C10orf90: variants seen among roughly 807,000 people sequenced by gnomAD.
The protein encoded by C10orf90 is (E2-independent) E3 ubiquitin-conjugating enzyme FATS.
In C10orf90, 56 loss-of-function variants were observed where a neutral mutation model predicts 62.5. That is an observed-to-expected ratio of 0.90 (90% confidence interval 0.72 to 1.12). C10orf90 has a LOEUF of 1.12. C10orf90 is among the 50% of genes most tolerant of loss of function. The pLI is 0.00. For synonymous variants in C10orf90, 386 were observed against 340.4 expected (o/e 1.13, Z -1.47); for missense variants, 970 against 880.4 (o/e 1.10, Z -1.29).
intron 4 of C10orf90, among the ~76,000 whole-genome samples, chr10:126,490,006 A>T (rs1280021634): frequency 2.4e-5 from 2 of 84,564 alleles, no homozygotes; most frequent in African/African-American, 4.9e-5. Flanking sequence ...ATTATATATT[A>T]TATATATTAT....
chr10:126,590,056 C>A (rs1338676319), intron 2 of C10orf90, among the ~76,000 whole-genome samples: 1 of 152,042 alleles, frequency 6.6e-6, no homozygotes, highest in African/African-American at 2.4e-5. Flanking sequence ...TAGTTTCTGA[C>A]AAACCAGACT....
At chr10:126,524,428 G>T (rs562397578) in intron 2 of C10orf90, 41 of 161,676 alleles carry the variant, frequency 2.5e-4, no homozygotes, top group Non-Finnish European at 5.1e-4. Context: ...GAGCTGGGAG[G>T]CAGCCCAGGT....
At chr10:126,600,093 A>G (rs1274987901) in intron 2 of C10orf90, among the ~76,000 whole-genome samples, 2 of 151,240 alleles carry the variant, frequency 1.3e-5, no homozygotes, top group African/African-American at 4.9e-5. Flanking sequence ...GTGTGTGTGC[A>G]TGCTTGTGTG....
intron 2 of C10orf90, among the ~76,000 whole-genome samples, chr10:126,640,766 G>A (rs1391305545): frequency 2.0e-5 from 3 of 152,184 alleles, no homozygotes; most frequent in Non-Finnish European, 4.4e-5. Flanking sequence ...GAGCACTTGC[G>A]AGGCCATGGA....
intron 2 of C10orf90, among the ~76,000 whole-genome samples, chr10:126,624,201 C>A (rs1367071536): frequency 6.6e-6 from 1 of 152,082 alleles, no homozygotes; most frequent in African/African-American, 2.4e-5. Flanking sequence ...CAAAAATTAG[C>A]TGGGCATGGT....
chr10:126,648,148 C>T (rs1389130526), intron 1 of C10orf90, among the ~76,000 whole-genome samples: 4 of 151,034 alleles, frequency 2.6e-5, no homozygotes, highest in African/African-American at 9.7e-5. Context: ...CTCGCTTCTG[C>T]TCCTCTGCCA....
chr10:126,500,684 C>A (rs1204236751), intron 4 of C10orf90, among the ~76,000 whole-genome samples: 2 of 152,112 alleles, frequency 1.3e-5, no homozygotes, highest in East Asian at 3.9e-4. Flanking sequence ...AAAGAGAGAA[C>A]CAATTTCTTA....
intron 4 of C10orf90, among the ~76,000 whole-genome samples, chr10:126,495,222 G>A (rs1199708060): frequency 6.6e-6 from 1 of 152,202 alleles, no homozygotes; most frequent in East Asian, 1.9e-4. Context: ...GTTCACTGCA[G>A]CATTGGATGA....
intron 2 of C10orf90, among the ~76,000 whole-genome samples, chr10:126,598,506 A>C (rs1845130779): frequency 6.6e-6 from 1 of 152,110 alleles, no homozygotes; most frequent in Non-Finnish European, 1.5e-5. Flanking sequence ...CCTTCCAGCT[A>C]TGCCACCCCA....
At chr10:126,660,686 C>G (rs1846491342) in intron 1 of C10orf90, among the ~76,000 whole-genome samples, 1 of 152,202 alleles carries the variant, frequency 6.6e-6, no homozygotes, top group African/African-American at 2.4e-5. Context: ...TACAAATAAT[C>G]AATGGTGTTG....
chr10:126,564,218 C>T (rs1030726107), intron 2 of C10orf90, among the ~76,000 whole-genome samples: 2 of 152,040 alleles, frequency 1.3e-5, no homozygotes, highest in African/African-American at 4.8e-5. Context: ...CAGCAACTTT[C>T]CTCTCCACGC....
chr10:126,517,321 G>A (rs1863486042), intron 2 of C10orf90, among the ~76,000 whole-genome samples: 1 of 152,212 alleles, frequency 6.6e-6, no homozygotes, highest in Non-Finnish European at 1.5e-5. Context: ...TAAAAAAATA[G>A]TAAAGTTGTA....
At chr10:126,656,754 G>A (rs1006850244) in intron 1 of C10orf90, among the ~76,000 whole-genome samples, 2 of 152,174 alleles carry the variant, frequency 1.3e-5, no homozygotes, top group East Asian at 3.8e-4. Context: ...CCTATGTCAC[G>A]ATTTGGTACT....
At chr10:126,526,169 G>C (rs1413770879) in intron 2 of C10orf90, among the ~76,000 whole-genome samples, 1 of 151,660 alleles carries the variant, frequency 6.6e-6, no homozygotes, top group Non-Finnish European at 1.5e-5. Flanking sequence ...CCATGTCTCT[G>C]ACTTTTAGTT....
chr10:126,662,495 C>G (rs751998674), intron 1 of C10orf90, among the ~76,000 whole-genome samples: 1 of 152,144 alleles, frequency 6.6e-6, no homozygotes, highest in Non-Finnish European at 1.5e-5. Context: ...TTTTTCCTCT[C>G]AAGAAGTGTG....
At chr10:126,552,665 G>A (rs540904415) in intron 2 of C10orf90, among the ~76,000 whole-genome samples, 1 of 152,328 alleles carries the variant, frequency 6.6e-6, no homozygotes, top group East Asian at 1.9e-4. Flanking sequence ...TTTCCGCTTT[G>A]CCACGTGATT....
intron 2 of C10orf90, among the ~76,000 whole-genome samples, chr10:126,567,913 T>A (rs756928046): frequency 6.6e-6 from 1 of 151,938 alleles, no homozygotes; most frequent in Non-Finnish European, 1.5e-5. Context: ...TGTATGCTGA[T>A]GGAAATAATC....
At chr10:126,434,224 G>T (rs756798150) in intron 7 of C10orf90, among the ~76,000 whole-genome samples, 26 of 152,128 alleles carry the variant, frequency 1.7e-4, no homozygotes, top group Non-Finnish European at 3.5e-4. Context: ...ACATGTGGGT[G>T]TTTATTGTAA....
chr10:126,526,969 C>T (rs995041484), intron 2 of C10orf90, among the ~76,000 whole-genome samples: 3 of 152,202 alleles, frequency 2.0e-5, no homozygotes, highest in Non-Finnish European at 4.4e-5. Flanking sequence ...TCTTCAACAG[C>T]TGATGGACAC....
Sources: gnomAD v4.1 joint callset for allele counts (sites outside exome capture counted in the v4.1 genomes callset) on GRCh38, gnomAD v4.1.1 for gene constraint, MANE v1.5 for transcripts, NCBI Gene and HGNC (gene_info 2026-07-23, HGNC 2026-07-21) for gene names.